The following GNA14 variants were observed in gnomAD, a reference collection of about 807,000 sequenced individuals.
The protein encoded by GNA14 is guanine nucleotide-binding protein subunit alpha-14.
A neutral mutation model predicts 42.0 loss-of-function variants in GNA14; 50 were observed. That is an observed-to-expected ratio of 1.19 (90% CI 0.95 to 1.51). GNA14 has a LOEUF of 1.51. GNA14 is among the 40% of genes most tolerant of loss of function. The pLI, the probability that GNA14 is intolerant of heterozygous loss-of-function variation, is 0.00. For synonymous variants in GNA14, 173 were observed against 163.1 expected, an observed-to-expected ratio of 1.06 and a Z score of -0.46; for missense variants, 473 against 446.2, an observed-to-expected ratio of 1.06 and a Z score of -0.54.
chr9:77,573,732 G>A (rs912666939), intron 1 of GNA14, among the ~76,000 whole-genome samples: 5 of 152,126 alleles, frequency 3.3e-5, no homozygotes, highest in African/African-American at 9.6e-5. Context: ...GTGGCCAAAC[G>A]CAATTAGACT....
intron 1 of GNA14, among the ~76,000 whole-genome samples, chr9:77,588,363 A>C (rs1336810128): frequency 6.6e-6 from 1 of 152,180 alleles, no homozygotes; most frequent in African/African-American, 2.4e-5. Context: ...CCTGTTTTTC[A>C]GCACTGTATT....
chr9:77,477,305 C>G (rs1206907990), intron 2 of GNA14, among the ~76,000 whole-genome samples: 1 of 152,078 alleles, frequency 6.6e-6, no homozygotes, highest in African/African-American at 2.4e-5. Context: ...TGAGATCCTG[C>G]AACTGCATTC....
At chr9:77,436,922 C>T (rs914311748) in intron 2 of GNA14, among the ~76,000 whole-genome samples, 1 of 152,176 alleles carries the variant, frequency 6.6e-6, no homozygotes, top group Non-Finnish European at 1.5e-5. Flanking sequence ...GGTGGGAAGA[C>T]GGAAGCCCGT....
intron 2 of GNA14, among the ~76,000 whole-genome samples, chr9:77,472,787 G>GAT (rs976340203): frequency 1.1e-5 from 1 of 90,350 alleles, no homozygotes; most frequent in African/African-American, 4.7e-5. Context: ...GACATGACAT[G>GAT]ATCTCTCTCT....
At chr9:77,533,606 C>T (rs4745643) in intron 1 of GNA14, among the ~76,000 whole-genome samples, 8,636 of 152,246 alleles carry the variant, frequency 0.057, 576 homozygotes, top group Admixed American at 0.21. Context: ...GAAGACTTAA[C>T]GTCCCTTTCT....
chr9:77,462,840 G>C (rs533919481), intron 2 of GNA14, among the ~76,000 whole-genome samples: 1 of 152,130 alleles, frequency 6.6e-6, no homozygotes, highest in Admixed American at 6.5e-5. Context: ...GGTTCAGGGA[G>C]AACTGGCAGC....
intron 1 of GNA14, among the ~76,000 whole-genome samples, chr9:77,637,934 T>C (rs1824208481): frequency 6.6e-6 from 1 of 152,234 alleles, no homozygotes; most frequent in Non-Finnish European, 1.5e-5. Context: ...TGGTTTTATA[T>C]GCAAAAGTTT....
intron 1 of GNA14, among the ~76,000 whole-genome samples, chr9:77,622,294 G>C (rs1020892335): frequency 6.6e-6 from 1 of 152,126 alleles, no homozygotes; most frequent in Non-Finnish European, 1.5e-5. Context: ...TTGAAACTGA[G>C]ATCTAATTTT....
intron 1 of GNA14, among the ~76,000 whole-genome samples, chr9:77,562,782 AT>A (rs954517579): frequency 6.6e-6 from 1 of 152,126 alleles, no homozygotes; most frequent in African/African-American, 2.4e-5. Flanking sequence ...ATTTTGTTTT[AT>A]TTTTCAAAAT....
intron 1 of GNA14, among the ~76,000 whole-genome samples, chr9:77,583,496 T>C (rs1823258287): frequency 1.3e-5 from 2 of 152,212 alleles, no homozygotes; most frequent in South Asian, 2.1e-4. Context: ...TCGTTTTATG[T>C]TCTCCTTGAT....
intron 2 of GNA14, among the ~76,000 whole-genome samples, chr9:77,498,360 CAA>C (rs768115636): frequency 4.0e-5 from 2 of 49,934 alleles, no homozygotes; most frequent in Non-Finnish European, 7.0e-5. Context: ...GCAACAAGAG[CAA>C]AAGTCTGTCT....
intron 1 of GNA14, 97 bp downstream of exon 1, chr9:77,647,573 C>T: frequency 7.2e-7 from 1 of 1,393,406 alleles, no homozygotes; most frequent in Non-Finnish European, 9.6e-7. Flanking sequence ...CCCTGCACCC[C>T]GCTGGGCTCC....
At chr9:77,505,874 G>A (rs1239945302) in intron 2 of GNA14, among the ~76,000 whole-genome samples, 2 of 152,020 alleles carry the variant, frequency 1.3e-5, no homozygotes, top group African/African-American at 4.8e-5. Flanking sequence ...TGGTTGGCAG[G>A]GGGCCTTGGG....
chr9:77,498,177 T>C lies in GNA14; in HGVS notation c.309+30892A>G, dbSNP rs113805202. Among the ~76,000 whole-genome samples, 309 of 152,136 alleles carry C rather than the reference T, an allele frequency of 2.0e-3. 1 individual carries two copies. The highest frequency in any genetic ancestry group is 7.0e-3 in the African/African-American group (290 of 41,510). On this transcript the variant is annotated intron_variant, in intron 2 of 6. Coordinates refer to ENST00000341700, the MANE Select transcript of GNA14 (RefSeq NM_004297.4). Reference sequence around the variant, plus strand: ...TCACCTGAGGTCAGGAGTTCAAGACTAGCCTGACCAAAATGGAGAAACTCC... The same window carrying C: ...TCACCTGAGGTCAGGAGTTCAAGACCAGCCTGACCAAAATGGAGAAACTCC...
intron 1 of GNA14, among the ~76,000 whole-genome samples, chr9:77,623,137 A>AC (rs1823955166): frequency 7.0e-6 from 1 of 143,070 alleles, no homozygotes; most frequent in East Asian, 2.3e-4. Flanking sequence ...AATTGCTTGA[A>AC]CCCGGGGAGG....
intron 1 of GNA14, among the ~76,000 whole-genome samples, chr9:77,549,978 G>A (rs1260315216): frequency 6.6e-6 from 1 of 152,116 alleles, no homozygotes; most frequent in African/African-American, 2.4e-5. Flanking sequence ...ACATGTCACT[G>A]GTGTACATGT....
intron 2 of GNA14, among the ~76,000 whole-genome samples, chr9:77,457,359 T>C (rs1836020001): frequency 6.6e-6 from 1 of 152,250 alleles, no homozygotes; most frequent in African/African-American, 2.4e-5. Flanking sequence ...TAAATTCGAA[T>C]TTTATTAGTA....
intron 2 of GNA14, among the ~76,000 whole-genome samples, chr9:77,491,192 C>T (rs955528274): frequency 1.3e-5 from 2 of 152,182 alleles, no homozygotes; most frequent in African/African-American, 2.4e-5. Flanking sequence ...TCACCAGACT[C>T]ATAAGAAATG....
chr9:77,586,860 G>C (rs1251303672), intron 1 of GNA14, among the ~76,000 whole-genome samples: 1 of 152,158 alleles, frequency 6.6e-6, no homozygotes, highest in East Asian at 1.9e-4. Flanking sequence ...GAACCTCCAT[G>C]TTGAACACGC....
Sources: gnomAD v4.1 joint callset for allele counts (sites outside exome capture counted in the v4.1 genomes callset) on GRCh38, gnomAD v4.1.1 for gene constraint, MANE v1.5 for transcripts, NCBI Gene and HGNC (gene_info 2026-07-23, HGNC 2026-07-21) for gene names.